Variants in ITGAV observed in about 807,000 individuals in gnomAD.
The protein encoded by ITGAV is integrin alpha-V.
In ITGAV, 76 loss-of-function variants were observed where a neutral mutation model predicts 143.8. The observed-to-expected ratio is 0.53, with a 90% CI of 0.44 to 0.64. ITGAV has a LOEUF of 0.64. Ranked by LOEUF, ITGAV falls within the 30% of genes least tolerant of loss-of-function variation. The probability of loss-of-function intolerance (pLI) is 0.00; values close to 1 mark genes in which losing one functional copy is unlikely to be tolerated. For missense variants in ITGAV, 1,193 were observed against 1,274.7 expected, an observed-to-expected ratio of 0.94 and a Z score of 0.98; for synonymous variants, 453 against 446.7, an observed-to-expected ratio of 1.01 and a Z score of -0.18.
chr2:186,592,216 TTGTC>T (rs1222464065), intron 1 of ITGAV, among the ~76,000 whole-genome samples: 11 of 152,142 alleles, frequency 7.2e-5, no homozygotes, highest in African/African-American at 1.9e-4. Context: ...GATGGGCAGA[TTGTC>T]TGAGCTCAGG....
Position 186,646,881 on chromosome 2 carries a change from C to G in ITGAV, c.1351+4C>G. 6.4e-7 allele frequency: 1 copy of G among 1,569,242 alleles called. No homozygotes were observed. The highest frequency in any genetic ancestry group is 8.7e-7 in the Non-Finnish European group (1 of 1,150,898). ...ATAGACAAAAATGGATATCCAGGTGCTTTCTTATCAACACATAGAGCCCTT... is the reference window on the plus strand; with the variant it reads ...ATAGACAAAAATGGATATCCAGGTGGTTTCTTATCAACACATAGAGCCCTT... On this transcript the variant is annotated splice_donor_region_variant and intron_variant, in intron 13 of 29. Coordinates refer to ENST00000261023, the MANE Select transcript of ITGAV (RefSeq NM_002210.5).
At chr2:186,620,258 T>C (rs1186879855) in intron 2 of ITGAV, among the ~76,000 whole-genome samples, 1 of 152,166 alleles carries the variant, frequency 6.6e-6, no homozygotes, top group Non-Finnish European at 1.5e-5. Flanking sequence ...GTTAGAGAAA[T>C]GTTCCCATAA....
At chr2:186,601,949 T>G (rs1686919652) in intron 1 of ITGAV, 72 bp from the exon 2 acceptor site, 3 of 1,416,950 alleles carry the variant, frequency 2.1e-6, no homozygotes, top group Non-Finnish European at 2.9e-6. Flanking sequence ...GAATGATTGC[T>G]CCTCATAAAT....
rs921012957 is a variant in ITGAV, at chr2:186,656,359, G to A, written c.1677G>A (p.Arg559=). The A allele has an allele frequency of 1.9e-6, 3 of 1,554,384 alleles. No homozygotes were observed. The highest frequency in any genetic ancestry group is 2.6e-6 in the Non-Finnish European group (3 of 1,157,214). ...ACTCCAAGAACATGACTATTTCAAG[G>A]GGGGGACTGATGCAGTGTGAGGAAT... ...PSHSKNMTIS[R]GGLMQCEELI... The change falls in exon 17 of 30, where the codon AGG becomes AGA. Residue 559 remains arginine, a synonymous_variant. Coordinates refer to ENST00000261023, the MANE Select transcript of ITGAV (RefSeq NM_002210.5).
intron 2 of ITGAV, among the ~76,000 whole-genome samples, chr2:186,608,412 A>G (rs79030355): frequency 0.019 from 2,887 of 152,290 alleles, 61 homozygotes; most frequent in South Asian, 0.054. Context: ...CCTTCCTACA[A>G]AAAAGAACAA....
At chr2:186,648,954 G>GTA (rs772019697) in intron 13 of ITGAV, among the ~76,000 whole-genome samples, 2 of 145,260 alleles carry the variant, frequency 1.4e-5, no homozygotes, top group Non-Finnish European at 3.0e-5. Context: ...ACATTTGTGT[G>GTA]TATATATATA....
At chr2:186,608,728 C>T (rs1210417230) in intron 2 of ITGAV, among the ~76,000 whole-genome samples, 3 of 152,048 alleles carry the variant, frequency 2.0e-5, no homozygotes, top group African/African-American at 7.3e-5. Flanking sequence ...ATTCCACTTC[C>T]ATATGGTGGG....
At chr2:186,626,939 C>CA (rs1687691734) in intron 4 of ITGAV, among the ~76,000 whole-genome samples, 2 of 152,062 alleles carry the variant, frequency 1.3e-5, no homozygotes, top group African/African-American at 4.8e-5. Flanking sequence ...TTCTATATTG[C>CA]AAAAATGTTC....
intron 1 of ITGAV, among the ~76,000 whole-genome samples, chr2:186,592,619 T>C (rs946392791): frequency 2.0e-5 from 3 of 152,030 alleles, no homozygotes; most frequent in Non-Finnish European, 4.4e-5. Context: ...GAACTCTTCA[T>C]GATATTTGCT....
At chr2:186,659,617 A>T (rs1432457298) in intron 18 of ITGAV, among the ~76,000 whole-genome samples, 1 of 151,982 alleles carries the variant, frequency 6.6e-6, no homozygotes, top group Non-Finnish European at 1.5e-5. Context: ...TTCTAGTTTT[A>T]GAAAATCTTA....
intron 5 of ITGAV, among the ~76,000 whole-genome samples, chr2:186,632,041 AAT>A (rs1332690737): frequency 6.6e-6 from 1 of 152,080 alleles, no homozygotes; most frequent in Non-Finnish European, 1.5e-5. Flanking sequence ...TTTTTTTAAA[AAT>A]TTTATTTTAT....
At chr2:186,663,982 G>A (rs1688819620) in intron 19 of ITGAV, 147 bp downstream of exon 19, 1 of 603,178 alleles carries the variant, frequency 1.7e-6, no homozygotes, top group Non-Finnish European at 2.9e-6. Flanking sequence ...TATCAATATT[G>A]AGCTTCTAAA....
intron 5 of ITGAV, among the ~76,000 whole-genome samples, chr2:186,632,192 G>A (rs13407063): frequency 0.06 from 9,066 of 152,050 alleles, 299 homozygotes; most frequent in South Asian, 0.11. Flanking sequence ...GCCAAAGAGA[G>A]ATAAAGTATA....
chr2:186,638,029 A>G (rs1303922566), intron 8 of ITGAV, among the ~76,000 whole-genome samples: 1 of 152,200 alleles, frequency 6.6e-6, no homozygotes, highest in African/African-American at 2.4e-5. Flanking sequence ...TTGTTTAACA[A>G]TATTACAAAT....
chr2:186,643,314 G>A (rs1688160033), intron 12 of ITGAV, among the ~76,000 whole-genome samples: 1 of 152,042 alleles, frequency 6.6e-6, no homozygotes, highest in Admixed American at 6.5e-5. Flanking sequence ...TTTTACAAAG[G>A]GCTAAAATAT....
chr2:186,609,734 A>G (rs541592316), intron 2 of ITGAV, among the ~76,000 whole-genome samples: 17 of 151,976 alleles, frequency 1.1e-4, no homozygotes, highest in Non-Finnish European at 2.1e-4. Flanking sequence ...AGAAAACAGT[A>G]TGTGTATGCT....
intron 18 of ITGAV, 21 bp downstream of exon 18, chr2:186,659,196 CTA>C: frequency 7.0e-7 from 1 of 1,438,250 alleles, no homozygotes; most frequent in Admixed American, 2.5e-5. Flanking sequence ...CAGTTTACCA[CTA>C]ATGTGATATT....
chr2:186,670,113 C>T (rs1177270112), intron 26 of ITGAV, among the ~76,000 whole-genome samples: 5 of 151,942 alleles, frequency 3.3e-5, no homozygotes, highest in Non-Finnish European at 5.9e-5. Flanking sequence ...GGCTTTAGTA[C>T]GATACTAAAA....
intron 26 of ITGAV, among the ~76,000 whole-genome samples, chr2:186,671,453 T>C (rs758553154): frequency 1.3e-5 from 2 of 152,128 alleles, no homozygotes; most frequent in Non-Finnish European, 2.9e-5. Flanking sequence ...TGTCCAGATA[T>C]CCTTGTGGCT....
Sources: gnomAD v4.1 joint callset for allele counts (sites outside exome capture counted in the v4.1 genomes callset) on GRCh38, gnomAD v4.1.1 for gene constraint, MANE v1.5 for transcripts, NCBI Gene and HGNC (gene_info 2026-07-23, HGNC 2026-07-21) for gene names.